The following CD3E variants were observed in gnomAD, a reference collection of about 807,000 sequenced individuals.
CD3E encodes CD3 epsilon subunit of T-cell receptor complex.
CD3E carries 16 observed loss-of-function variants against 34.7 expected under a neutral mutation model. That is an observed-to-expected ratio of 0.46 (90% CI 0.31 to 0.70). The LOEUF (loss-of-function observed/expected upper bound fraction) is 0.70. Among genes scored for constraint, CD3E ranks in the 30% least tolerant of loss-of-function variants. The pLI, the probability that CD3E is intolerant of heterozygous loss-of-function variation, is 0.05. For missense variants in CD3E, 223 were observed against 253.9 expected, an observed-to-expected ratio of 0.88 and a Z score of 0.83; for synonymous variants, 70 against 90.8, an observed-to-expected ratio of 0.77 and a Z score of 1.30.
rs1296930976 is a variant in CD3E at position 118,316,006 on chromosome 11, G to A, written c.*464G>A. The A allele has an allele frequency of 1.8e-5, 4 of 219,672 alleles. No individual in the cohort carries two copies. Among genetic ancestry groups the A allele is most frequent in the African/African-American group, 6.9e-5 (3 of 43,352 alleles). The allele number at this position is 219,672 out of a possible 1,614,324, so 13.6% of individuals were successfully genotyped here. A position where few individuals can be genotyped will look rare whatever the true frequency, so the allele number is the denominator to read the frequency against. On this transcript the variant is annotated 3_prime_UTR_variant, in exon 9 of 9. Coordinates refer to ENST00000361763, the MANE Select transcript of CD3E (RefSeq NM_000733.4). ...TGCCCCGTTCACAGATCCTGGCCCTGAGCCAGCCCTGTGCTCCTCCCTCCC... is the reference window on the plus strand; with the variant it reads ...TGCCCCGTTCACAGATCCTGGCCCTAAGCCAGCCCTGTGCTCCTCCCTCCC...
chr11:118,313,488 G>C, intron 6 of CD3E: 2 of 580,078 alleles, frequency 3.4e-6, no homozygotes, highest in Non-Finnish European at 6.2e-6. Flanking sequence ...AATAAAGCTG[G>C]GACTCAAACC....
At chr11:118,305,475 A>G (rs1948100627) in intron 2 of CD3E, among the ~76,000 whole-genome samples, 1 of 152,120 alleles carries the variant, frequency 6.6e-6, no homozygotes, top group African/African-American at 2.4e-5. Context: ...AGTTTATTTC[A>G]TTTTTTTGAA....
In CD3E at chr11:118,316,146, G is replaced by T. The variant is rs1263009661; in HGVS notation, c.*604G>T. On this transcript the variant is annotated 3_prime_UTR_variant, in exon 9 of 9. Transcript: ENST00000361763. ...TGTGCTCTGCTCCTCAGCTGAGAGAGAAAAAAATAAACTGTATTTGGCTGC... is the reference window on the plus strand; with the variant it reads ...TGTGCTCTGCTCCTCAGCTGAGAGATAAAAAAATAAACTGTATTTGGCTGC... 6.5e-6 allele frequency: 1 copy of T among 154,554 alleles called. No homozygotes were observed. Among genetic ancestry groups the T allele is most frequent in the South Asian group, 2.0e-4 (1 of 5,018 alleles). The allele number at this position is 154,554 out of a possible 1,614,324, so 9.6% of individuals were successfully genotyped here.
At position 118,304,935 on chromosome 11, in the gene CD3E, C is replaced by G; in HGVS notation, c.-18C>G. The G allele has an allele frequency of 6.2e-7, 1 of 1,612,912 alleles. No homozygotes were observed. The highest frequency in any genetic ancestry group is 8.5e-7 in the Non-Finnish European group (1 of 1,178,902). On this transcript the variant is annotated 5_prime_UTR_variant, in exon 2 of 9. Coordinates refer to ENST00000361763, the MANE Select transcript of CD3E (RefSeq NM_000733.4). ...GGCCTCCGCCATCTTAGTAAAGTAA[C>G]AGTCCCATGAAACAAAGATGCAGTC... is the stretch of plus-strand genomic sequence containing the variant.
chr11:118,311,222 A>C (rs1948133968), intron 4 of CD3E, among the ~76,000 whole-genome samples: 1 of 152,196 alleles, frequency 6.6e-6, no homozygotes, highest in Non-Finnish European at 1.5e-5. Flanking sequence ...TCTGTCCCTG[A>C]CAGCAGCAGC....
At chr11:118,308,049 G>T (rs1185354847) in intron 3 of CD3E, among the ~76,000 whole-genome samples, 2 of 152,142 alleles carry the variant, frequency 1.3e-5, no homozygotes, top group Non-Finnish European at 2.9e-5. Flanking sequence ...TACGCCTGTA[G>T]TCCTAGCTAC....
Position 118,315,650 on chromosome 11 carries a change from C to A in CD3E, c.*108C>A. The A allele has an allele frequency of 9.9e-7, 1 of 1,006,874 alleles. No homozygotes were observed. The highest frequency in any genetic ancestry group is 1.5e-6 in the Non-Finnish European group (1 of 656,546). The allele number at this position is 1,006,874 out of a possible 1,614,324, so 62.4% of individuals were successfully genotyped here. On this transcript the variant is annotated 3_prime_UTR_variant, in exon 9 of 9. Transcript: ENST00000361763. ...GACCCCACGAGAGAGAATCGTTCCT[C>A]AGCCTCATGGTGAACTCGCGCCCTC... is the stretch of plus-strand genomic sequence containing the variant.
chr11:118,311,378 T>C (rs911242060), intron 4 of CD3E, among the ~76,000 whole-genome samples: 2 of 152,364 alleles, frequency 1.3e-5, no homozygotes, highest in East Asian at 1.9e-4. Context: ...AGGCTGGACC[T>C]ACGAATGGCA....
At chr11:118,305,231 T>C (rs897987730) in intron 2 of CD3E, among the ~76,000 whole-genome samples, 3 of 152,222 alleles carry the variant, frequency 2.0e-5, no homozygotes, top group South Asian at 2.1e-4. Flanking sequence ...GGGGTGATCA[T>C]AGCTATTGTG....
At chr11:118,306,257 G>T (rs773578470) in intron 2 of CD3E, among the ~76,000 whole-genome samples, 18 of 152,000 alleles carry the variant, frequency 1.2e-4, no homozygotes, top group Non-Finnish European at 2.2e-4. Context: ...GCATTTTGGG[G>T]GACCAAAGTG....
intron 2 of CD3E, among the ~76,000 whole-genome samples, chr11:118,306,480 AAAATAGATAAATAAAT>A (rs1948106805): frequency 7.4e-6 from 1 of 134,500 alleles, no homozygotes; most frequent in African/African-American, 2.8e-5. Flanking sequence ...GGAGTGTCTC[AAAATAGATAAATAAAT>A]AAATAAATAA....
At chr11:118,304,832 C>T (rs571377482) in intron 1 of CD3E, 56 bp downstream of exon 1, 4 of 843,954 alleles carry the variant, frequency 4.7e-6, no homozygotes, top group African/African-American at 3.3e-5. Context: ...GGAACAATGG[C>T]CCCAGGGTCC....
chr11:118,312,663 C>G lies in CD3E; in HGVS notation c.149C>G (p.Pro50Arg). The change falls in exon 6 of 9, where the codon CCT becomes CGT. Residue 50 changes from proline to arginine, a missense_variant. Transcript: ENST00000361763. ...ISGTTVILTCPQYPGSEILWQ... is the reference protein window; with the variant it reads ...ISGTTVILTCRQYPGSEILWQ... ...GGAACCACAGTAATATTGACATGCCCTCAGTATCCTGGATCTGAAATACTA... is the reference window on the plus strand; with the variant it reads ...GGAACCACAGTAATATTGACATGCCGTCAGTATCCTGGATCTGAAATACTA... 1 of 1,614,002 alleles carries G rather than the reference C, an allele frequency of 6.2e-7. No individual in the cohort carries two copies. Among genetic ancestry groups the G allele is most frequent in the Non-Finnish European group, 8.5e-7 (1 of 1,179,866 alleles).
intron 3 of CD3E, 62 bp downstream of exon 3, chr11:118,307,370 A>C (rs2134761671): frequency 6.9e-7 from 1 of 1,453,090 alleles, no homozygotes; most frequent in Non-Finnish European, 9.6e-7. Flanking sequence ...TGTAGTTATG[A>C]ATGGAGCTTT....
intron 4 of CD3E, 93 bp from the exon 5 acceptor site, chr11:118,312,060 G>C: frequency 9.5e-7 from 1 of 1,049,344 alleles, no homozygotes; most frequent in Non-Finnish European, 1.5e-6. Context: ...GAAGTCTTGT[G>C]GGCAGTGTCT....
intron 3 of CD3E, among the ~76,000 whole-genome samples, chr11:118,307,796 T>C (rs1948115814): frequency 6.6e-6 from 1 of 152,020 alleles, no homozygotes; most frequent in African/African-American, 2.4e-5. Context: ...ACCACAGCGG[T>C]AGAGTCAGGA....
intron 7 of CD3E, 31 bp from the exon 8 acceptor site, chr11:118,314,417 G>A (rs1283359560): frequency 6.2e-7 from 1 of 1,605,658 alleles, no homozygotes; most frequent in South Asian, 1.1e-5. Flanking sequence ...TCCCTCATGG[G>A]AATGAAATGT....
At chr11:118,314,186 C>A (rs371142140) in intron 7 of CD3E, among the ~76,000 whole-genome samples, 2 of 152,178 alleles carry the variant, frequency 1.3e-5, no homozygotes, top group African/African-American at 4.8e-5. Context: ...TTAGCTCCTG[C>A]CTTTTCCTTT....
At chr11:118,315,003 G>A (rs1948158430) in intron 8 of CD3E, among the ~76,000 whole-genome samples, 1 of 138,170 alleles carries the variant, frequency 7.2e-6, no homozygotes, top group Admixed American at 7.3e-5. Context: ...ACACACACGT[G>A]ACCAGACATC....
Sources: allele counts gnomAD v4.1 joint callset (sites outside exome capture counted in the v4.1 genomes callset), GRCh38; gene constraint gnomAD v4.1.1; transcripts MANE v1.5; gene names NCBI Gene and HGNC (gene_info 2026-07-23, HGNC 2026-07-21).